Variants in B4GALT5 observed in about 807,000 individuals in gnomAD.
B4GALT5 encodes the protein beta-1,4-galactosyltransferase 5, also known as UDP-Gal:beta-GlcNAc beta-1,4-galactosyltransferase 5.
A neutral mutation model predicts 45.0 loss-of-function variants in B4GALT5; 11 were observed. That is an observed-to-expected ratio of 0.24 (90% confidence interval 0.15 to 0.40). The LOEUF is 0.40. Ranked by LOEUF, B4GALT5 falls within the 10% of genes least tolerant of loss-of-function variation. B4GALT5 has a pLI of 1.00. For synonymous variants in B4GALT5, 185 were observed against 182.9 expected (o/e 1.01, Z -0.09); for missense variants, 337 against 500.2 (o/e 0.67, Z 3.11).
At chr20:49,663,791 T>C (rs1003540331) in intron 1 of B4GALT5, among the ~76,000 whole-genome samples, 1 of 150,496 alleles carries the variant, frequency 6.6e-6, no homozygotes. Flanking sequence ...TAATACATTG[T>C]ACTGAAAACA....
At chr20:49,685,572 G>C (rs1001190338) in intron 1 of B4GALT5, among the ~76,000 whole-genome samples, 2 of 152,120 alleles carry the variant, frequency 1.3e-5, no homozygotes, top group Non-Finnish European at 2.9e-5. Flanking sequence ...AGTGCTCACC[G>C]GACAATCATT....
intron 1 of B4GALT5, among the ~76,000 whole-genome samples, chr20:49,700,013 C>T (rs950218808): frequency 8.5e-5 from 13 of 152,178 alleles, no homozygotes; most frequent in Admixed American, 8.5e-4. Context: ...GCCCCCCACC[C>T]TTGCCCGCCA....
chr20:49,646,599 T>G (rs1426880209), intron 3 of B4GALT5, among the ~76,000 whole-genome samples: 1 of 152,172 alleles, frequency 6.6e-6, no homozygotes, highest in Non-Finnish European at 1.5e-5. Flanking sequence ...GGAATTTTAC[T>G]CTAGGAGGTT....
intron 4 of B4GALT5, 126 bp downstream of exon 4, chr20:49,643,400 A>C: frequency 1.6e-6 from 2 of 1,268,430 alleles, no homozygotes; most frequent in Non-Finnish European, 2.2e-6. Context: ...AAATGTTTCT[A>C]CATTTGCATG....
At chr20:49,639,964 T>C (rs1486764923) in intron 6 of B4GALT5, among the ~76,000 whole-genome samples, 164 bp from the exon 7 acceptor site, 1 of 152,248 alleles carries the variant, frequency 6.6e-6, no homozygotes, top group African/African-American at 2.4e-5. Context: ...TGATTTTTAA[T>C]AGCTTTAGTG....
At chr20:49,681,664 G>A (rs1180795887) in intron 1 of B4GALT5, among the ~76,000 whole-genome samples, 1 of 152,204 alleles carries the variant, frequency 6.6e-6, no homozygotes, top group Non-Finnish European at 1.5e-5. Context: ...CCACAAACCT[G>A]TTCTACCGCA....
intron 1 of B4GALT5, among the ~76,000 whole-genome samples, chr20:49,712,154 C>T (rs2085915443): frequency 6.6e-6 from 1 of 152,212 alleles, no homozygotes; most frequent in Non-Finnish European, 1.5e-5. Context: ...CTGGAAGTTA[C>T]ATGTAATAGC....
At chr20:49,656,943 A>G (rs1490178167) in intron 1 of B4GALT5, among the ~76,000 whole-genome samples, 1 of 152,194 alleles carries the variant, frequency 6.6e-6, no homozygotes, top group Non-Finnish European at 1.5e-5. Context: ...AAAAGCATCA[A>G]CTTAAAAAAA....
chr20:49,708,719 G>A (rs2146363905), intron 1 of B4GALT5, among the ~76,000 whole-genome samples: 1 of 152,226 alleles, frequency 6.6e-6, no homozygotes, highest in Non-Finnish European at 1.5e-5. Context: ...AGGCCAAGGT[G>A]GGCAGACCAC....
chr20:49,711,093 AAT>A (rs1600561993), intron 1 of B4GALT5, among the ~76,000 whole-genome samples: 1 of 151,782 alleles, frequency 6.6e-6, no homozygotes, highest in African/African-American at 2.4e-5. Flanking sequence ...AAAAAAAAAA[AAT>A]TAGTAGGAAG....
Position 49,663,693 on chromosome 20 carries a change from ATATAC to A in B4GALT5, c.116-6996_116-6992del, listed in dbSNP as rs1568722617. Among the ~76,000 whole-genome samples the A allele has an allele frequency of 3.7e-3, 192 of 52,264 alleles. 12 individuals carry two copies. Among genetic ancestry groups the A allele is most frequent in the African/African-American group, 6.6e-3 (72 of 10,956 alleles). 34.3% of individuals were successfully genotyped at this position (52,264 alleles called of 152,430 possible). ...ATCTCAAGAAAAAAAAAAAAAAAAT[ATATAC>A]ATATATATATATATATATATATATA... On this transcript the variant is annotated intron_variant, in intron 1 of 8. Transcript: ENST00000371711.
chr20:49,708,931 CAAA>C (rs71186472), intron 1 of B4GALT5, among the ~76,000 whole-genome samples: 8 of 135,960 alleles, frequency 5.9e-5, no homozygotes, highest in Admixed American at 7.4e-5. Flanking sequence ...GACTCCATCT[CAAA>C]AAAAAAAAAA....
intron 2 of B4GALT5, among the ~76,000 whole-genome samples, chr20:49,650,696 A>ATTTC (rs969071477): frequency 6.6e-6 from 1 of 152,164 alleles, no homozygotes; most frequent in Non-Finnish European, 1.5e-5. Flanking sequence ...TTAAAATGAA[A>ATTTC]GAGACAGAGG....
At chr20:49,701,732 A>G (rs2085862872) in intron 1 of B4GALT5, among the ~76,000 whole-genome samples, 2 of 152,228 alleles carry the variant, frequency 1.3e-5, no homozygotes, top group Admixed American at 1.3e-4. Context: ...ACTTAATACT[A>G]AACACCAAAA....
Position 49,664,159 on chromosome 20 carries a change from A to G in B4GALT5, c.116-7457T>C, listed in dbSNP as rs12625254. Among the ~76,000 whole-genome samples, 104 of 152,264 alleles carry G rather than the reference A, an allele frequency of 6.8e-4. 1 individual carries two copies. In the East Asian group the frequency reaches 0.016, roughly 23 times the overall value. ...AGTTCCAGGCTCCTAATGCAATGTAAGATATTTACTTCCTATATAATATTC... is the reference window on the plus strand; with the variant it reads ...AGTTCCAGGCTCCTAATGCAATGTAGGATATTTACTTCCTATATAATATTC... On this transcript the variant is annotated intron_variant, in intron 1 of 8. Coordinates refer to ENST00000371711, the MANE Select transcript of B4GALT5 (RefSeq NM_004776.4).
At chr20:49,710,122 C>A (rs989992596) in intron 1 of B4GALT5, among the ~76,000 whole-genome samples, 1 of 152,198 alleles carries the variant, frequency 6.6e-6, no homozygotes, top group African/African-American at 2.4e-5. Flanking sequence ...ATTTCAAATT[C>A]AAGTCTACTA....
In B4GALT5 at chr20:49,636,121, C is replaced by T. The variant is rs1458209497; in HGVS notation, c.*191G>A. ...AAGGAAGTCCCCAAGCTCACTCCCT[C>T]AGTTCCAGCGGCTGATCCAGTGAAG... On this transcript the variant is annotated 3_prime_UTR_variant, in exon 9 of 9. Coordinates refer to ENST00000371711, the MANE Select transcript of B4GALT5 (RefSeq NM_004776.4). 5.8e-6 allele frequency: 4 copies of T among 685,028 alleles called. No homozygotes were observed. The highest frequency in any genetic ancestry group is 9.6e-6 in the Non-Finnish European group (4 of 417,244). 42.4% of individuals were successfully genotyped at this position (685,028 alleles called of 1,614,324 possible).
intron 1 of B4GALT5, among the ~76,000 whole-genome samples, chr20:49,695,341 G>A (rs2085834572): frequency 6.6e-6 from 1 of 151,910 alleles, no homozygotes; most frequent in South Asian, 2.1e-4. Context: ...AAAGGTTGGA[G>A]ACCACTGCTT....
At chr20:49,705,183 T>G (rs1157055565) in intron 1 of B4GALT5, among the ~76,000 whole-genome samples, 1 of 152,120 alleles carries the variant, frequency 6.6e-6, no homozygotes, top group Non-Finnish European at 1.5e-5. Context: ...AACATCCAAC[T>G]ACCTAGAGGA....
Sources: allele counts gnomAD v4.1 joint callset (sites outside exome capture counted in the v4.1 genomes callset), GRCh38; gene constraint gnomAD v4.1.1; transcripts MANE v1.5; gene names NCBI Gene and HGNC (gene_info 2026-07-23, HGNC 2026-07-21).